OPCML: variants seen among roughly 807,000 people sequenced by gnomAD.
OPCML encodes the protein opioid binding protein/cell adhesion molecule like.
OPCML carries 13 observed loss-of-function variants against 37.8 expected under a neutral mutation model. That is an observed-to-expected ratio of 0.34 (90% CI 0.22 to 0.55). The LOEUF (loss-of-function observed/expected upper bound fraction) is 0.55, where lower values mean the gene tolerates loss of function less well. Among genes scored for constraint, OPCML ranks in the 20% least tolerant of loss-of-function variants. The probability of loss-of-function intolerance (pLI) is 0.91; values close to 1 mark genes in which losing one functional copy is unlikely to be tolerated. For missense variants in OPCML, 341 were observed against 435.6 expected, an observed-to-expected ratio of 0.78 and a Z score of 1.93; for synonymous variants, 176 against 168.8, an observed-to-expected ratio of 1.04 and a Z score of -0.33.
intron 1 of OPCML, among the ~76,000 whole-genome samples, chr11:133,340,158 C>T (rs1211858082): frequency 6.6e-6 from 1 of 152,224 alleles, no homozygotes; most frequent in African/African-American, 2.4e-5. Flanking sequence ...TAGGACATCA[C>T]CTCTGACCCT....
At chr11:133,293,284 T>C (rs892832657) in intron 1 of OPCML, among the ~76,000 whole-genome samples, 1 of 152,126 alleles carries the variant, frequency 6.6e-6, no homozygotes, top group African/African-American at 2.4e-5. Flanking sequence ...ATCCTGGAGA[T>C]GCACACCCTC....
chr11:133,012,470 A>G (rs1475900854), intron 1 of OPCML, among the ~76,000 whole-genome samples: 1 of 152,204 alleles, frequency 6.6e-6, no homozygotes, highest in Non-Finnish European at 1.5e-5. Flanking sequence ...ACCTTCCTCA[A>G]AGAAGTTTTA....
chr11:132,936,052 C>T (rs370040937), intron 2 of OPCML, among the ~76,000 whole-genome samples: 2 of 152,142 alleles, frequency 1.3e-5, no homozygotes, highest in African/African-American at 2.4e-5. Context: ...GTGTTTGCAG[C>T]GTGCACCATT....
intron 4 of OPCML, among the ~76,000 whole-genome samples, chr11:132,449,159 A>G (rs897823513): frequency 1.3e-5 from 2 of 152,182 alleles, no homozygotes; most frequent in Non-Finnish European, 2.9e-5. Context: ...CACCATGACA[A>G]TTTCAAGGTA....
intron 1 of OPCML, among the ~76,000 whole-genome samples, chr11:132,978,394 C>T (rs555167688): frequency 6.6e-6 from 1 of 152,216 alleles, no homozygotes; most frequent in Admixed American, 6.5e-5. Flanking sequence ...GCAGGGAGGC[C>T]AATCAAGGTA....
intron 1 of OPCML, among the ~76,000 whole-genome samples, chr11:133,484,846 C>CA (rs796226774): frequency 4.6e-5 from 7 of 151,898 alleles, no homozygotes; most frequent in African/African-American, 1.7e-4. Context: ...TGGCATTCAA[C>CA]AACATTATTA....
intron 1 of OPCML, among the ~76,000 whole-genome samples, chr11:133,390,381 T>G (rs1481779442): frequency 1.3e-5 from 2 of 151,934 alleles, no homozygotes; most frequent in African/African-American, 2.4e-5. Context: ...GAAAATGGCG[T>G]GAACCCGGGA....
chr11:132,668,496 ATTAT>A (rs1565760796), intron 2 of OPCML, among the ~76,000 whole-genome samples: 1 of 152,172 alleles, frequency 6.6e-6, no homozygotes, highest in African/African-American at 2.4e-5. Context: ...ACACAGTGCT[ATTAT>A]GAGGACTGAA....
intron 2 of OPCML, among the ~76,000 whole-genome samples, chr11:132,685,129 T>G (rs1481875986): frequency 6.6e-6 from 1 of 152,198 alleles, no homozygotes; most frequent in Non-Finnish European, 1.5e-5. Flanking sequence ...TTTGATTTGC[T>G]CTAAAAAGTA....
At chr11:133,308,708 A>G (rs1389679370) in intron 1 of OPCML, among the ~76,000 whole-genome samples, 1 of 152,174 alleles carries the variant, frequency 6.6e-6, no homozygotes, top group East Asian at 1.9e-4. Flanking sequence ...CATCAGTACA[A>G]AAAAACAAAT....
intron 2 of OPCML, among the ~76,000 whole-genome samples, chr11:132,867,296 G>T (rs1366638781): frequency 6.6e-6 from 1 of 152,162 alleles, no homozygotes; most frequent in African/African-American, 2.4e-5. Flanking sequence ...AAAATGACAA[G>T]ATGTTTCCTC....
chr11:132,478,087 C>G (rs2096163562), intron 4 of OPCML, among the ~76,000 whole-genome samples: 1 of 152,052 alleles, frequency 6.6e-6, no homozygotes, highest in South Asian at 2.1e-4. Context: ...AGAATATACT[C>G]ACATGTAAAG....
intron 1 of OPCML, chr11:133,423,102 A>G (rs986917524): frequency 1.0e-6 from 1 of 985,450 alleles, no homozygotes; most frequent in Non-Finnish European, 1.2e-6. Flanking sequence ...GAATTGAGAA[A>G]TGGGCTTCTA....
intron 1 of OPCML, among the ~76,000 whole-genome samples, chr11:132,968,097 T>C (rs1418600605): frequency 2.0e-5 from 3 of 152,220 alleles, no homozygotes; most frequent in Non-Finnish European, 1.5e-5. Context: ...ATTTATCTTG[T>C]ACATATTTTG....
intron 1 of OPCML, among the ~76,000 whole-genome samples, chr11:133,124,921 C>G (rs1949476893): frequency 6.6e-6 from 1 of 152,038 alleles, no homozygotes; most frequent in Non-Finnish European, 1.5e-5. Context: ...AGTGGACACC[C>G]AATGAGGAGT....
At chr11:133,403,483 A>T (rs1945454928) in intron 1 of OPCML, among the ~76,000 whole-genome samples, 1 of 152,128 alleles carries the variant, frequency 6.6e-6, no homozygotes, top group Admixed American at 6.5e-5. Context: ...TTCTACTTTG[A>T]GTTATCAAAT....
chr11:133,270,111 G>C (rs1310436382), intron 1 of OPCML, among the ~76,000 whole-genome samples: 1 of 152,144 alleles, frequency 6.6e-6, no homozygotes, highest in Non-Finnish European at 1.5e-5. Flanking sequence ...AAGACACCAA[G>C]AACTGATTAC....
intron 1 of OPCML, among the ~76,000 whole-genome samples, chr11:133,433,927 C>T (rs918181426): frequency 6.6e-6 from 1 of 152,204 alleles, no homozygotes; most frequent in Admixed American, 6.5e-5. Context: ...GCAGAACCGG[C>T]TTCACCATAG....
chr11:133,211,771 GC>G lies in OPCML; in HGVS notation c.62-268762del, dbSNP rs1565507111. 6.6e-6 allele frequency among the ~76,000 whole-genome samples: 1 copy of G among 152,096 alleles called. No individual in the cohort carries two copies. The highest frequency in any genetic ancestry group is 2.4e-5 in the African/African-American group (1 of 41,406). On this transcript the variant is annotated intron_variant, in intron 1 of 7. Coordinates refer to ENST00000524381, the MANE Select transcript of OPCML (RefSeq NM_001012393.5). This position sits in a 1 kb window ranked among gnomAD's most constrained non-coding sequence, Gnocchi z 4.1. ...TATACCATCACCATTATCACAACAC[GC>G]TTTTCACAATTTTTTTAAGTCTTAC...
Sources: gnomAD v4.1 joint callset for allele counts (sites outside exome capture counted in the v4.1 genomes callset) on GRCh38, gnomAD v4.1.1 for gene constraint, Gnocchi (gnomAD v3.1) non-coding constraint, MANE v1.5 for transcripts, NCBI Gene and HGNC (gene_info 2026-07-23, HGNC 2026-07-21) for gene names.